NEBL: variants seen among roughly 807,000 people sequenced by gnomAD.
NEBL encodes the protein LIM and SH3 protein 2.
In NEBL, 122 loss-of-function variants were observed where a neutral mutation model predicts 140.2. That is an observed-to-expected ratio of 0.87 (90% CI 0.75 to 1.01). The LOEUF is 1.01. Ranked by LOEUF, NEBL falls within the 50% of genes least tolerant of loss-of-function variation. The pLI, the probability that NEBL is intolerant of heterozygous loss-of-function variation, is 0.00. For synonymous variants in NEBL, 436 were observed against 398.9 expected, an observed-to-expected ratio of 1.09 and a Z score of -1.11; for missense variants, 1,365 against 1,231.3, an observed-to-expected ratio of 1.11 and a Z score of -1.62.
intron 3 of NEBL, among the ~76,000 whole-genome samples, chr10:20,995,037 C>A (rs1050496582): frequency 7.9e-5 from 12 of 152,136 alleles, no homozygotes; most frequent in African/African-American, 2.9e-4. Flanking sequence ...CTTACAAACA[C>A]CTCTCCCAAA....
chr10:21,029,301 G>A (rs1459377125), intron 2 of NEBL: 25 of 1,609,084 alleles, frequency 1.6e-5, no homozygotes, highest in Non-Finnish European at 2.0e-5. Flanking sequence ...CTTTTCTAGG[G>A]AACCTATCCT....
intron 2 of NEBL, among the ~76,000 whole-genome samples, chr10:20,896,272 G>C (rs1389659244): frequency 1.3e-5 from 2 of 151,600 alleles, no homozygotes; most frequent in Non-Finnish European, 2.9e-5. Flanking sequence ...TGTACTTCTT[G>C]AATTCTAGCT....
intron 2 of NEBL, among the ~76,000 whole-genome samples, chr10:21,099,485 G>GA (rs1319275771): frequency 6.6e-6 from 1 of 152,066 alleles, no homozygotes; most frequent in Non-Finnish European, 1.5e-5. Flanking sequence ...AATATCATCT[G>GA]AAAACATATG....
chr10:21,260,710 G>T (rs920582202), intron 1 of NEBL, among the ~76,000 whole-genome samples: 1 of 152,022 alleles, frequency 6.6e-6, no homozygotes, highest in Non-Finnish European at 1.5e-5. Flanking sequence ...TCTGCACCCC[G>T]GTCAGCTCCT....
intron 2 of NEBL, among the ~76,000 whole-genome samples, chr10:21,041,647 T>A (rs1383270101): frequency 1.3e-5 from 2 of 152,204 alleles, no homozygotes; most frequent in Admixed American, 6.5e-5. Context: ...TACTCTTTTT[T>A]TTATTATTAT....
Position 20,876,614 on chromosome 10 carries a change from T to C in NEBL, c.480+4180A>G, listed in dbSNP as rs1402774080. Among the ~76,000 whole-genome samples, 4 of 152,314 alleles carry C rather than the reference T, an allele frequency of 2.6e-5. No homozygotes were observed. In the East Asian group the frequency reaches 5.8e-4, roughly 22 times the overall value. On this transcript the variant is annotated intron_variant, in intron 5 of 27. Transcript: ENST00000377122. ...ACAGTAAGTCTTTCATTTCCCACGC[T>C]GAATACTTCTTTCTAATACACATTG...
chr10:20,826,347 T>A, intron 18 of NEBL, 100 bp downstream of exon 18: 5 of 923,554 alleles, frequency 5.4e-6, no homozygotes, highest in Non-Finnish European at 8.8e-6. Context: ...AAGTGAAGAA[T>A]AAAAGGAAAA....
intron 1 of NEBL, among the ~76,000 whole-genome samples, chr10:21,291,553 C>T (rs937018772): frequency 2.0e-5 from 3 of 150,606 alleles, no homozygotes; most frequent in South Asian, 2.1e-4. Context: ...TCAGAAGTCA[C>T]GTGTTATCCT....
At chr10:21,029,520 A>G (rs1833689375) in intron 2 of NEBL, 6 of 1,609,632 alleles carry the variant, frequency 3.7e-6, no homozygotes, top group East Asian at 4.5e-5. Flanking sequence ...CTGATCAAGC[A>G]CAGGATACAG....
chr10:20,816,969 G>C (rs537668298), intron 21 of NEBL, among the ~76,000 whole-genome samples: 1 of 152,166 alleles, frequency 6.6e-6, no homozygotes, highest in Non-Finnish European at 1.5e-5. Flanking sequence ...TGGTAGAAAA[G>C]GGAGGGAAAA....
At chr10:21,061,354 AATATATGGGTCAGAT>A (rs1315985166) in intron 2 of NEBL, among the ~76,000 whole-genome samples, 98 of 148,316 alleles carry the variant, frequency 6.6e-4, no homozygotes, top group Middle Eastern at 3.6e-3. Context: ...TATGTTACAT[AATATATGGGTCAGAT>A]TTATGTTTTA....
chr10:20,831,468 C>T lies in NEBL; in HGVS notation c.1560+5G>A. 6.3e-7 allele frequency: 1 copy of T among 1,596,344 alleles called. No homozygotes were observed. Among genetic ancestry groups the T allele is most frequent in the East Asian group, 2.2e-5 (1 of 44,756 alleles). On this transcript the variant is annotated splice_donor_5th_base_variant and intron_variant, in intron 15 of 27. Transcript: ENST00000377122. ...TTTAAACTTTGTATCTTGCTGCTGT[C>T]TTACCTGGCTGGCCATCTCGGATGC... is the stretch of plus-strand genomic sequence containing the variant.
chr10:20,791,091 A>AGTT (rs1436329298), intron 26 of NEBL, among the ~76,000 whole-genome samples: 2 of 152,254 alleles, frequency 1.3e-5, no homozygotes, highest in African/African-American at 4.8e-5. Context: ...TAATAGTTTT[A>AGTT]GTTATACTAA....
At chr10:21,233,796 T>G in intron 3 of NEBL, among the ~76,000 whole-genome samples, 1 of 143,572 alleles carries the variant, frequency 7.0e-6, no homozygotes, top group East Asian at 2.0e-4. Context: ...TGCATATATA[T>G]TACATATATA....
chr10:20,986,807 C>CA (rs1837274216), intron 3 of NEBL, among the ~76,000 whole-genome samples: 1 of 152,106 alleles, frequency 6.6e-6, no homozygotes, highest in South Asian at 2.1e-4. Context: ...ATGAGACTGA[C>CA]AATAGAAAAA....
At chr10:21,216,497 G>C (rs1841994477) in intron 3 of NEBL, among the ~76,000 whole-genome samples, 1 of 152,096 alleles carries the variant, frequency 6.6e-6, no homozygotes, top group African/African-American at 2.4e-5. Context: ...CTTGGGCCAG[G>C]CGCAGTGGTT....
chr10:20,813,903 T>C, intron 23 of NEBL, 36 bp downstream of exon 23: 1 of 1,337,062 alleles, frequency 7.5e-7, no homozygotes, highest in Non-Finnish European at 1.1e-6. Context: ...CGCCCATTCC[T>C]TAGCATGTTT....
intron 3 of NEBL, among the ~76,000 whole-genome samples, chr10:21,187,419 C>T (rs1288524914): frequency 2.0e-5 from 3 of 152,004 alleles, no homozygotes; most frequent in Admixed American, 1.3e-4. Flanking sequence ...TTGTCGAACC[C>T]GATCAGCTAG....
chr10:21,217,387 ACT>A (rs1004111883), intron 3 of NEBL, among the ~76,000 whole-genome samples: 4 of 152,256 alleles, frequency 2.6e-5, no homozygotes, highest in Middle Eastern at 3.4e-3. Flanking sequence ...CACAGGGGAA[ACT>A]CTATCTGGTT....
Sources: allele counts gnomAD v4.1 joint callset (sites outside exome capture counted in the v4.1 genomes callset), GRCh38; gene constraint gnomAD v4.1.1; transcripts MANE v1.5; gene names NCBI Gene and HGNC (gene_info 2026-07-23, HGNC 2026-07-21).